CRTAC1: variants seen among roughly 807,000 people sequenced by gnomAD.
CRTAC1 encodes cartilage acidic protein 1, also known as acidic secreted protein in cartilage.
CRTAC1 carries 37 observed loss-of-function variants against 67.8 expected under a neutral mutation model. The observed-to-expected ratio is 0.55, with a 90% CI of 0.42 to 0.72. The LOEUF is 0.72. Among genes scored for constraint, CRTAC1 ranks in the 30% least tolerant of loss-of-function variants. The pLI, the probability that CRTAC1 is intolerant of heterozygous loss-of-function variation, is 0.00. For synonymous variants in CRTAC1, 348 were observed against 371.0 expected, an observed-to-expected ratio of 0.94 and a Z score of 0.71; for missense variants, 780 against 931.6, an observed-to-expected ratio of 0.84 and a Z score of 2.12.
intron 2 of CRTAC1, among the ~76,000 whole-genome samples, chr10:97,950,133 C>T (rs988453684): frequency 6.6e-6 from 1 of 152,034 alleles, no homozygotes; most frequent in South Asian, 2.1e-4. Context: ...GATTCAGTTT[C>T]CTCATCTATA....
intron 2 of CRTAC1, among the ~76,000 whole-genome samples, chr10:97,977,383 T>G (rs1170952626): frequency 6.6e-6 from 1 of 152,180 alleles, no homozygotes; most frequent in Non-Finnish European, 1.5e-5. Context: ...GAGCTATAAT[T>G]GCATCTCAGC....
chr10:97,944,082 A>G (rs977469552), intron 2 of CRTAC1, among the ~76,000 whole-genome samples: 6 of 152,222 alleles, frequency 3.9e-5, no homozygotes, highest in Non-Finnish European at 8.8e-5. Flanking sequence ...TTTAGGTCTT[A>G]GGATGGCGAC....
intron 3 of CRTAC1, among the ~76,000 whole-genome samples, chr10:97,933,319 A>C (rs1322503366): frequency 6.6e-6 from 1 of 152,242 alleles, no homozygotes; most frequent in East Asian, 1.9e-4. Flanking sequence ...CCCACCCTGG[A>C]GGCCGGCTCC....
At position 97,896,908 on chromosome 10, in the gene CRTAC1, C is replaced by A; in HGVS notation, c.1216+1G>T. On this transcript the variant is annotated splice_donor_variant, in intron 9 of 14. Transcript: ENST00000370597. LOFTEE classifies it high-confidence loss of function. Reference sequence around the variant, plus strand: ...GGCCAGATCCCCCAGGTGCCCCTCACCTGTGCCCCGGCCCTCAGGCTCCAA... The same window carrying A: ...GGCCAGATCCCCCAGGTGCCCCTCAACTGTGCCCCGGCCCTCAGGCTCCAA... 6.5e-7 allele frequency: 1 copy of A among 1,550,128 alleles called. No homozygotes were observed. Among genetic ancestry groups the A allele is most frequent in the South Asian group, 1.2e-5 (1 of 84,096 alleles).
At chr10:98,021,232 C>G (rs192671048) in intron 1 of CRTAC1, among the ~76,000 whole-genome samples, 61 of 152,258 alleles carry the variant, frequency 4.0e-4, no homozygotes, top group Middle Eastern at 3.4e-3. Flanking sequence ...CTACAACTCC[C>G]TACCCCCCAG....
intron 2 of CRTAC1, among the ~76,000 whole-genome samples, chr10:97,994,462 A>G (rs922180661): frequency 6.6e-6 from 1 of 152,160 alleles, no homozygotes; most frequent in Non-Finnish European, 1.5e-5. Flanking sequence ...AGCTGTAGAG[A>G]AAAGGAGGGA....
rs1039492782 is a variant in CRTAC1 at position 97,894,343 on chromosome 10, T to C, written c.1486+902A>G. ...TAATAGGTGTGTAGTGATAGTTCCA[T>C]TAATGCCACAGATATACTGTATATC... On this transcript the variant is annotated intron_variant, in intron 11 of 14. Transcript: ENST00000370597. 8.5e-5 allele frequency among the ~76,000 whole-genome samples: 13 copies of C among 152,082 alleles called. 1 individual carries two copies. The highest frequency in any genetic ancestry group is 7.2e-4 in the Admixed American group (11 of 15,280).
At chr10:97,974,439 GA>G (rs1348460059) in intron 2 of CRTAC1, among the ~76,000 whole-genome samples, 1 of 152,178 alleles carries the variant, frequency 6.6e-6, no homozygotes, top group Non-Finnish European at 1.5e-5. Context: ...TACAAGTTAG[GA>G]AAAAATCAGA....
rs192341163 is a variant in CRTAC1, at chr10:97,875,472, G to A, written c.1819+4777C>T. The stretch of plus-strand genomic sequence containing the variant: ...ACAAGCCACCGTGGGAGAGGCTGGC[G>A]TCATCTGTGGTGTTAACCAGCCCAT... On this transcript the variant is annotated intron_variant, in intron 14 of 14. Transcript: ENST00000370597. 2.3e-3 allele frequency among the ~76,000 whole-genome samples: 351 copies of A among 152,286 alleles called. 5 individuals carry two copies. The highest frequency in any genetic ancestry group is 1.9e-3 in the African/African-American group (80 of 41,570).
chr10:98,002,985 AT>A (rs1364009503), intron 2 of CRTAC1, among the ~76,000 whole-genome samples: 2 of 150,256 alleles, frequency 1.3e-5, no homozygotes, highest in Admixed American at 6.6e-5. Flanking sequence ...GGGTTTCACC[AT>A]GTTAGCCAGG....
intron 7 of CRTAC1, among the ~76,000 whole-genome samples, chr10:97,903,066 C>T (rs971746304): frequency 7.9e-5 from 12 of 151,270 alleles, no homozygotes; most frequent in South Asian, 6.4e-4. Flanking sequence ...TAGCACAGTT[C>T]GTGACACATG....
intron 5 of CRTAC1, among the ~76,000 whole-genome samples, chr10:97,914,583 C>T (rs1340323085): frequency 6.6e-6 from 1 of 152,194 alleles, no homozygotes; most frequent in Non-Finnish European, 1.5e-5. Context: ...CCTGTCCCCT[C>T]ACCTGCTAGT....
At chr10:97,991,420 T>TAATAAATA (rs59622695) in intron 2 of CRTAC1, among the ~76,000 whole-genome samples, 18,236 of 147,042 alleles carry the variant, frequency 0.12, 1,591 homozygotes, top group African/African-American at 0.24. Flanking sequence ...CTTTTAAAAA[T>TAATAAATA]AATAAATAAA....
intron 2 of CRTAC1, among the ~76,000 whole-genome samples, chr10:97,945,841 G>T (rs2051255490): frequency 1.3e-5 from 2 of 152,184 alleles, no homozygotes; most frequent in Admixed American, 1.3e-4. Context: ...GGCACCAAAA[G>T]GTCAGAATAA....
intron 6 of CRTAC1, among the ~76,000 whole-genome samples, chr10:97,906,900 T>A (rs1590199065): frequency 1.3e-5 from 2 of 152,278 alleles, no homozygotes; most frequent in Non-Finnish European, 2.9e-5. Context: ...TGTGAACTGC[T>A]GGCAACAGCC....
At chr10:97,873,968 C>T (rs2050119424) in intron 14 of CRTAC1, among the ~76,000 whole-genome samples, 1 of 152,170 alleles carries the variant, frequency 6.6e-6, no homozygotes, top group Non-Finnish European at 1.5e-5. Flanking sequence ...GGGCACGTAT[C>T]CTGACTCAGT....
At chr10:97,998,996 A>G (rs77698640) in intron 2 of CRTAC1, among the ~76,000 whole-genome samples, 3 of 152,344 alleles carry the variant, frequency 2.0e-5, no homozygotes, top group South Asian at 2.1e-4. Context: ...TAAAAAAAAA[A>G]TGGGATTTAG....
chr10:97,944,890 G>A (rs150868578), intron 2 of CRTAC1, among the ~76,000 whole-genome samples: 76 of 152,308 alleles, frequency 5.0e-4, no homozygotes, highest in Non-Finnish European at 1.0e-3. Flanking sequence ...ATGTGAGCAA[G>A]AACTTCTCAA....
chr10:97,885,006 T>C (rs1297640157), intron 11 of CRTAC1, among the ~76,000 whole-genome samples: 1 of 152,232 alleles, frequency 6.6e-6, no homozygotes, highest in Non-Finnish European at 1.5e-5. Flanking sequence ...CTCTTGTCAC[T>C]GGGGATGCCC....
Sources: gnomAD v4.1 joint callset for allele counts (sites outside exome capture counted in the v4.1 genomes callset) on GRCh38, gnomAD v4.1.1 for gene constraint, MANE v1.5 for transcripts, NCBI Gene and HGNC (gene_info 2026-07-23, HGNC 2026-07-21) for gene names.